Variants in NRP2 observed in about 807,000 individuals in gnomAD.
The protein encoded by NRP2 is neuropilin 2, also known as neuropilin-2.
Under a neutral mutation model 110.4 loss-of-function variants are expected in NRP2, and 52 were observed. The observed-to-expected ratio is 0.47, with a 90% CI of 0.38 to 0.59. The LOEUF (loss-of-function observed/expected upper bound fraction) is 0.59, where lower values mean the gene tolerates loss of function less well. NRP2 is among the 20% of genes least tolerant of loss of function. The pLI is 0.00. For synonymous variants in NRP2, 508 were observed against 468.9 expected, an observed-to-expected ratio of 1.08 and a Z score of -1.08; for missense variants, 1,049 against 1,203.0, an observed-to-expected ratio of 0.87 and a Z score of 1.89.
intron 4 of NRP2, among the ~76,000 whole-genome samples, chr2:205,723,533 T>A (rs1408204073): frequency 6.6e-6 from 1 of 152,216 alleles, no homozygotes; most frequent in Non-Finnish European, 1.5e-5. Flanking sequence ...TTCCAGCTCA[T>A]CTTCCAGGCC....
chr2:205,718,299 G>T (rs1383928133), intron 3 of NRP2, among the ~76,000 whole-genome samples: 1 of 152,220 alleles, frequency 6.6e-6, no homozygotes, highest in African/African-American at 2.4e-5. Flanking sequence ...ATGCAAATTT[G>T]AAAGGAGGAT....
intron 15 of NRP2, chr2:205,776,392 C>A: frequency 1.9e-6 from 3 of 1,613,438 alleles, no homozygotes; most frequent in Non-Finnish European, 2.5e-6. Context: ...CCACTACCAC[C>A]GGTTCCGCTA....
At chr2:205,692,851 G>A (rs2056342300) in intron 1 of NRP2, among the ~76,000 whole-genome samples, 1 of 152,070 alleles carries the variant, frequency 6.6e-6, no homozygotes, top group Non-Finnish European at 1.5e-5. Flanking sequence ...TCACTACATG[G>A]GCTTTGGATT....
At chr2:205,696,800 A>G (rs1455593299) in intron 1 of NRP2, among the ~76,000 whole-genome samples, 4 of 152,250 alleles carry the variant, frequency 2.6e-5, no homozygotes, top group Non-Finnish European at 5.9e-5. Context: ...TGTTCATTCA[A>G]CACAAAGCAC....
At chr2:205,703,492 AG>A (rs1386279414) in intron 2 of NRP2, among the ~76,000 whole-genome samples, 1 of 152,254 alleles carries the variant, frequency 6.6e-6, no homozygotes, top group Non-Finnish European at 1.5e-5. Context: ...TACTCCCATA[AG>A]TGGCAGAGAA....
chr2:205,743,421 C>G lies in NRP2; in HGVS notation c.1510C>G (p.Gln504Glu), dbSNP rs1471126310. Residue 504 changes from glutamine (Q) to glutamate (E), a missense_variant, in exon 9 of 17, where the codon CAG becomes GAG. By Grantham distance (29) the Gln-to-Glu change is conservative (BLOSUM62 2). Coordinates refer to ENST00000357785, the MANE Select transcript of NRP2 (RefSeq NM_003872.3). The stretch of plus-strand genomic sequence containing the variant: ...CAAGACAGTGAAAGGTGTCATCATC[C>G]AGGGAGCCCGCGGAGGAGACAGTAT... Reference protein sequence around the residue: ...TPKTVKGVIIQGARGGDSITA... With the variant: ...TPKTVKGVIIEGARGGDSITA... The G allele has an allele frequency of 6.2e-7, 1 of 1,614,222 alleles. No individual in the cohort carries two copies. The highest frequency in any genetic ancestry group is 1.7e-5 in the Admixed American group (1 of 60,026).
intron 12 of NRP2, among the ~76,000 whole-genome samples, chr2:205,753,616 C>T (rs1025380212): frequency 6.6e-6 from 1 of 152,222 alleles, no homozygotes; most frequent in Admixed American, 6.5e-5. Flanking sequence ...GAAGGGGTTG[C>T]CTCTATCCCT....
chr2:205,712,368 C>A (rs2056815631), intron 2 of NRP2, among the ~76,000 whole-genome samples: 1 of 152,126 alleles, frequency 6.6e-6, no homozygotes, highest in African/African-American at 2.4e-5. Flanking sequence ...GTTTATGTTG[C>A]CTTCTGGAAA....
At chr2:205,722,222 C>A in intron 3 of NRP2, 11 of 460,842 alleles carry the variant, frequency 2.4e-5, no homozygotes, top group East Asian at 4.4e-5. Context: ...CTTCTCTGTA[C>A]CTCCACCCCA....
At chr2:205,772,054 G>T (rs747997111) in intron 15 of NRP2, among the ~76,000 whole-genome samples, 7 of 152,208 alleles carry the variant, frequency 4.6e-5, no homozygotes, top group African/African-American at 7.2e-5. Context: ...AGTTCCTCAG[G>T]GGACCCTGGG....
rs1559326174 is a variant in NRP2, at chr2:205,722,164, C to CA, written c.434-314_434-313insA. 1,719 of 336,846 alleles carry CA rather than the reference C, an allele frequency of 5.1e-3. 20 individuals carry two copies. Among genetic ancestry groups the CA allele is most frequent in the African/African-American group, 0.038 (1,603 of 42,740 alleles). The allele number at this position is 336,846 out of a possible 1,614,324, so 20.9% of individuals were successfully genotyped here. The stretch of plus-strand genomic sequence containing the variant: ...AGAATCCCTCTCTCTCTCTCTCTCT[C>CA]TCTCTCATACACACACACACACACA... On this transcript the variant is annotated intron_variant, in intron 3 of 16. Transcript: ENST00000357785.
At chr2:205,733,330 C>T (rs969385731) in intron 7 of NRP2, among the ~76,000 whole-genome samples, 1 of 152,164 alleles carries the variant, frequency 6.6e-6, no homozygotes, top group Non-Finnish European at 1.5e-5. Flanking sequence ...TCCAAGGCCC[C>T]GGCTGTGCAC....
At chr2:205,774,071 C>G (rs1441189710) in intron 15 of NRP2, among the ~76,000 whole-genome samples, 1 of 152,224 alleles carries the variant, frequency 6.6e-6, no homozygotes, top group Non-Finnish European at 1.5e-5. Flanking sequence ...CTCTGAGGAA[C>G]TCTGGGGGCA....
chr2:205,769,714 C>T (rs540409142), intron 15 of NRP2, among the ~76,000 whole-genome samples: 2 of 152,216 alleles, frequency 1.3e-5, no homozygotes, highest in East Asian at 3.9e-4. Context: ...ACAATGTAGC[C>T]TGGGTGTGCA....
intron 1 of NRP2, 68 bp from the exon 2 acceptor site, chr2:205,697,476 G>A: frequency 2.9e-6 from 4 of 1,373,914 alleles, no homozygotes; most frequent in Non-Finnish European, 4.2e-6. Flanking sequence ...AGAAGAGAAG[G>A]AGGGAGTGTG....
intron 1 of NRP2, among the ~76,000 whole-genome samples, chr2:205,689,504 C>A (rs2056257901): frequency 6.6e-6 from 1 of 152,190 alleles, no homozygotes; most frequent in Non-Finnish European, 1.5e-5. Context: ...ACACTATAAC[C>A]ATTGTGGTAA....
rs1002890961 is a variant in NRP2, at chr2:205,797,029, T to A, written c.*1971T>A. 6.6e-6 allele frequency: 1 copy of A among 152,660 alleles called. No homozygotes were observed. The highest frequency in any genetic ancestry group is 1.5e-5 in the Non-Finnish European group (1 of 68,056). 9.5% of individuals were successfully genotyped at this position (152,660 alleles called of 1,614,324 possible). ...AGTTCAACCAACAGCTGTTTATTCA[T>A]GTGTGTGTGTCTTTGCTGCTTTGAG... On this transcript the variant is annotated 3_prime_UTR_variant, in exon 17 of 17. Coordinates refer to ENST00000357785, the MANE Select transcript of NRP2 (RefSeq NM_003872.3).
intron 2 of NRP2, among the ~76,000 whole-genome samples, chr2:205,709,362 T>C (rs887574549): frequency 6.6e-6 from 1 of 152,214 alleles, no homozygotes; most frequent in African/African-American, 2.4e-5. Flanking sequence ...TTTTGTTTTA[T>C]GCTGGTAATA....
In NRP2 at chr2:205,743,212, G is replaced by A. The variant is rs781119570; in HGVS notation, c.1301G>A (p.Cys434Tyr). 1 of 1,612,300 alleles carries A rather than the reference G, an allele frequency of 6.2e-7. No homozygotes were observed. Among genetic ancestry groups the A allele is most frequent in the African/African-American group, 1.3e-5 (1 of 74,928 alleles). The change falls in exon 9 of 17, where the codon TGC (cysteine) becomes TAC (tyrosine). Residue 434 changes from cysteine to tyrosine, a missense_variant. By Grantham distance (194) the Cys-to-Tyr change is radical. Coordinates refer to ENST00000357785, the MANE Select transcript of NRP2 (RefSeq NM_003872.3). ...CCTCTCCTCTCTGCAGATGCTCCCT[G>A]CTCCAACATGCTGGGGATGCTCTCA... ...LFGCRVTDAP[C>Y]SNMLGMLSGL...
Sources: gnomAD v4.1 joint callset for allele counts (sites outside exome capture counted in the v4.1 genomes callset) on GRCh38, gnomAD v4.1.1 for gene constraint, MANE v1.5 for transcripts, NCBI Gene and HGNC (gene_info 2026-07-23, HGNC 2026-07-21) for gene names.